The following FAM210A variants were observed in gnomAD, a reference collection of about 807,000 sequenced individuals.
FAM210A encodes family with sequence similarity 210 member A.
Under a neutral mutation model 25.3 loss-of-function variants are expected in FAM210A, and 13 were observed. The observed-to-expected ratio is 0.51, with a 90% CI of 0.33 to 0.82. The LOEUF is 0.82. Among genes scored for constraint, FAM210A ranks in the 40% least tolerant of loss-of-function variants. The pLI is 0.02. For synonymous variants in FAM210A, 125 were observed against 118.7 expected, an observed-to-expected ratio of 1.05 and a Z score of -0.35; for missense variants, 319 against 323.2, an observed-to-expected ratio of 0.99 and a Z score of 0.10.
At chr18:13,675,983 T>A in intron 2 of FAM210A, among the ~76,000 whole-genome samples, 1 of 48,562 alleles carries the variant, frequency 2.1e-5, no homozygotes, top group Non-Finnish European at 4.0e-5. Context: ...CCGTGGTAAC[T>A]TCTTTATTTC....
At chr18:13,702,595 G>A (rs866499455) in intron 1 of FAM210A, among the ~76,000 whole-genome samples, 4 of 152,176 alleles carry the variant, frequency 2.6e-5, no homozygotes, top group Non-Finnish European at 4.4e-5. Flanking sequence ...TTCATGTCAC[G>A]GGTAGCTCTA....
chr18:13,720,860 C>G (rs1675045015), intron 1 of FAM210A, among the ~76,000 whole-genome samples: 2 of 152,096 alleles, frequency 1.3e-5, no homozygotes. Flanking sequence ...CATGCCTACC[C>G]CCTTGCTCCT....
chr18:13,688,404 T>C (rs1380494426), intron 1 of FAM210A, among the ~76,000 whole-genome samples: 12 of 152,174 alleles, frequency 7.9e-5, no homozygotes, highest in Non-Finnish European at 1.6e-4. Flanking sequence ...AAAAAACAGC[T>C]GGACATCAAG....
chr18:13,715,486 A>T (rs2043854378), intron 1 of FAM210A: 1 of 152,224 alleles, frequency 6.6e-6, no homozygotes, highest in South Asian at 2.1e-4. Context: ...CTGTGATTGC[A>T]CTAATACATA....
chr18:13,708,866 G>A (rs772530016), intron 1 of FAM210A, among the ~76,000 whole-genome samples: 4 of 152,038 alleles, frequency 2.6e-5, no homozygotes, highest in South Asian at 2.1e-4. Context: ...CTGGTTTCAC[G>A]CTGAAATCTT....
chr18:13,697,749 C>A (rs1391485795), intron 1 of FAM210A: 1 of 151,342 alleles, frequency 6.6e-6, no homozygotes, highest in African/African-American at 2.4e-5. Flanking sequence ...AAAACTTATG[C>A]CCCCAAAAAA....
intron 2 of FAM210A, among the ~76,000 whole-genome samples, chr18:13,673,523 CCA>C (rs1198351755): frequency 6.6e-6 from 1 of 151,748 alleles, no homozygotes; most frequent in Non-Finnish European, 1.5e-5. Flanking sequence ...TTCTTGATTT[CCA>C]GTTTCCTGAT....
intron 1 of FAM210A, among the ~76,000 whole-genome samples, chr18:13,713,635 A>G (rs934199829): frequency 6.6e-6 from 1 of 152,088 alleles, no homozygotes; most frequent in Non-Finnish European, 1.5e-5. Context: ...CCTCTTTCCT[A>G]TCATCACAGT....
chr18:13,719,466 C>T (rs1453288035), intron 1 of FAM210A, among the ~76,000 whole-genome samples: 1 of 152,154 alleles, frequency 6.6e-6, no homozygotes, highest in Admixed American at 6.5e-5. Context: ...ACTCATCTTG[C>T]CATTGGCACC....
intron 1 of FAM210A, among the ~76,000 whole-genome samples, chr18:13,692,799 G>A (rs1206304072): frequency 6.6e-6 from 1 of 152,204 alleles, no homozygotes; most frequent in African/African-American, 2.4e-5. Context: ...AAGCAGGAAA[G>A]ATCTAAAATT....
intron 2 of FAM210A, among the ~76,000 whole-genome samples, chr18:13,681,254 T>C (rs75238207): frequency 0.012 from 1,793 of 152,324 alleles, 19 homozygotes; most frequent in Middle Eastern, 0.037. Flanking sequence ...ATTGGGTTTT[T>C]AGTCCAGGCA....
intron 2 of FAM210A, among the ~76,000 whole-genome samples, chr18:13,677,834 G>T (rs1214399645): frequency 6.6e-6 from 1 of 152,068 alleles, no homozygotes; most frequent in Non-Finnish European, 1.5e-5. Context: ...AACGGTAGCG[G>T]TAAACTCTTA....
chr18:13,680,983 T>C, intron 2 of FAM210A, among the ~76,000 whole-genome samples: 1 of 152,220 alleles, frequency 6.6e-6, no homozygotes, highest in East Asian at 1.9e-4. Flanking sequence ...GACCTTTCCT[T>C]GACACTTACT....
intron 1 of FAM210A, among the ~76,000 whole-genome samples, chr18:13,683,563 C>CTT (rs11301016): frequency 7.3e-6 from 1 of 137,166 alleles, no homozygotes; most frequent in Non-Finnish European, 1.6e-5. Context: ...GACTGCAAGC[C>CTT]TTTTTTTTTT....
At chr18:13,690,188 TG>T (rs1206521282) in intron 1 of FAM210A, among the ~76,000 whole-genome samples, 4 of 152,142 alleles carry the variant, frequency 2.6e-5, no homozygotes, top group African/African-American at 9.7e-5. Flanking sequence ...AACTGCAAGG[TG>T]GCAGTGAGGC....
At chr18:13,702,161 G>T (rs2043746021) in intron 1 of FAM210A, among the ~76,000 whole-genome samples, 2 of 152,224 alleles carry the variant, frequency 1.3e-5, no homozygotes, top group Non-Finnish European at 2.9e-5. Context: ...CAGAAGCCTG[G>T]CATGCCAGCA....
At chr18:13,683,800 G>GCACCCC (rs1325490340) in intron 1 of FAM210A, among the ~76,000 whole-genome samples, 1 of 152,140 alleles carries the variant, frequency 6.6e-6, no homozygotes. Flanking sequence ...GTAACAGACA[G>GCACCCC]TGAGATCTGA....
At chr18:13,718,957 T>C (rs1234959720) in intron 1 of FAM210A, among the ~76,000 whole-genome samples, 3 of 152,204 alleles carry the variant, frequency 2.0e-5, no homozygotes, top group Non-Finnish European at 4.4e-5. Flanking sequence ...GAAGCCATTG[T>C]TGCAATAAAG....
At chr18:13,678,118 CT>C (rs1382490135) in intron 2 of FAM210A, among the ~76,000 whole-genome samples, 1 of 152,042 alleles carries the variant, frequency 6.6e-6, no homozygotes, top group Non-Finnish European at 1.5e-5. Flanking sequence ...ACAACTAAAT[CT>C]CATTAAGATA....
Sources: gnomAD v4.1 joint callset for allele counts (sites outside exome capture counted in the v4.1 genomes callset) on GRCh38, gnomAD v4.1.1 for gene constraint, MANE v1.5 for transcripts, NCBI Gene and HGNC (gene_info 2026-07-23, HGNC 2026-07-21) for gene names.